CADM2: variants seen among roughly 807,000 people sequenced by gnomAD.
CADM2 encodes immunoglobulin superfamily member 4D.
In CADM2, 12 loss-of-function variants were observed where a neutral mutation model predicts 49.8. The ratio of observed to expected loss-of-function variants is 0.24; its 90% CI spans 0.15 to 0.39. CADM2 has a LOEUF of 0.39. Ranked by LOEUF, CADM2 falls within the 10% of genes least tolerant of loss-of-function variation. The probability of loss-of-function intolerance (pLI) is 1.00; values close to 1 mark genes in which losing one functional copy is unlikely to be tolerated. For missense variants in CADM2, 378 were observed against 492.3 expected (o/e 0.77, Z 2.20); for synonymous variants, 214 against 175.4 (o/e 1.22, Z -1.74).
intron 1 of CADM2, among the ~76,000 whole-genome samples, chr3:85,587,531 G>A (rs2062977999): frequency 6.6e-6 from 1 of 151,924 alleles, no homozygotes; most frequent in Non-Finnish European, 1.5e-5. Flanking sequence ...AGAATTCCTA[G>A]CGAGTCACAC....
chr3:85,722,945 C>T (rs2067561285), intron 1 of CADM2, among the ~76,000 whole-genome samples: 2 of 152,118 alleles, frequency 1.3e-5, no homozygotes, highest in South Asian at 4.1e-4. Flanking sequence ...AAATCAGTAA[C>T]CTAGTCAATT....
At chr3:85,351,318 A>G (rs2031319896) in intron 1 of CADM2, among the ~76,000 whole-genome samples, 2 of 152,336 alleles carry the variant, frequency 1.3e-5, no homozygotes, top group South Asian at 4.1e-4. Flanking sequence ...ATATTTTAGA[A>G]TTAAATTATA....
chr3:85,625,770 C>A (rs4481168), intron 1 of CADM2, among the ~76,000 whole-genome samples: 1 of 151,744 alleles, frequency 6.6e-6, no homozygotes, highest in South Asian at 2.1e-4. Flanking sequence ...AATGTAGTTT[C>A]GTACTGTGAT....
intron 1 of CADM2, among the ~76,000 whole-genome samples, chr3:85,388,631 C>T (rs955741614): frequency 6.6e-6 from 1 of 151,980 alleles, no homozygotes; most frequent in Non-Finnish European, 1.5e-5. Context: ...GTGTGGGATA[C>T]ACAAGCTCTG....
intron 2 of CADM2, among the ~76,000 whole-genome samples, chr3:85,751,979 C>G (rs1308264018): frequency 1.3e-5 from 2 of 151,828 alleles, no homozygotes; most frequent in Non-Finnish European, 2.9e-5. Context: ...TGAAATGAAT[C>G]AAAAAGGGCC....
intron 1 of CADM2, among the ~76,000 whole-genome samples, chr3:85,579,733 G>A (rs1259103065): frequency 6.6e-6 from 1 of 151,952 alleles, no homozygotes; most frequent in African/African-American, 2.4e-5. Context: ...GCCTTGTGTA[G>A]AAAAAATATG....
At chr3:85,370,989 A>C (rs2033185121) in intron 1 of CADM2, among the ~76,000 whole-genome samples, 1 of 140,286 alleles carries the variant, frequency 7.1e-6, no homozygotes, top group Admixed American at 7.3e-5. Context: ...CTTACAGAAT[A>C]AGAATTTTTT....
intron 1 of CADM2, among the ~76,000 whole-genome samples, chr3:85,673,420 A>G (rs545934117): frequency 6.6e-6 from 1 of 152,000 alleles, no homozygotes; most frequent in African/African-American, 2.4e-5. Flanking sequence ...GAGTGTTCTC[A>G]TAGATAAATT....
Position 85,886,437 on chromosome 3 carries a change from A to T in CADM2, c.529+110A>T, listed in dbSNP as rs1713666095. The T allele has an allele frequency of 5.3e-6, 4 of 755,836 alleles. No individual in the cohort carries two copies. The Admixed American group carries it at 7.5e-5, about 14-fold the overall frequency. 46.8% of individuals were successfully genotyped at this position (755,836 alleles called of 1,614,324 possible). A position where few individuals can be genotyped will look rare whatever the true frequency, so the allele number is the denominator to read the frequency against. On this transcript the variant is annotated intron_variant, in intron 5 of 9. Transcript: ENST00000383699. The stretch of plus-strand genomic sequence containing the variant: ...CAAAACATAGTGTCTCTTACAGATT[A>T]TGCATCATTTGAACCAGATTTACCC...
At chr3:85,530,739 G>C (rs1559890110) in intron 1 of CADM2, among the ~76,000 whole-genome samples, 1 of 152,064 alleles carries the variant, frequency 6.6e-6, no homozygotes, top group Non-Finnish European at 1.5e-5. Flanking sequence ...TTAGCATCTA[G>C]CCAAGTATGG....
At chr3:85,739,426 T>A (rs1045176735) in intron 2 of CADM2, among the ~76,000 whole-genome samples, 15 of 152,080 alleles carry the variant, frequency 9.9e-5, no homozygotes, top group Non-Finnish European at 1.6e-4. Context: ...TTAATCAGGA[T>A]CTGTTTTCTT....
intron 3 of CADM2, among the ~76,000 whole-genome samples, chr3:85,858,473 T>C (rs889187579): frequency 6.6e-6 from 1 of 152,160 alleles, no homozygotes; most frequent in Non-Finnish European, 1.5e-5. Context: ...TTTTGCAAAA[T>C]ATATAAAGCA....
At chr3:85,380,440 A>T (rs2033838041) in intron 1 of CADM2, among the ~76,000 whole-genome samples, 1 of 151,950 alleles carries the variant, frequency 6.6e-6, no homozygotes, top group Non-Finnish European at 1.5e-5. Context: ...TGTAGAAGTT[A>T]ATTTACATAC....
intron 1 of CADM2, among the ~76,000 whole-genome samples, chr3:85,048,545 GT>G (rs2035754927): frequency 6.6e-6 from 1 of 152,136 alleles, no homozygotes; most frequent in South Asian, 2.1e-4. Flanking sequence ...CAGTTTGATT[GT>G]TGCAATAATC....
At chr3:85,694,540 A>C (rs1240010491) in intron 1 of CADM2, among the ~76,000 whole-genome samples, 3 of 152,234 alleles carry the variant, frequency 2.0e-5, no homozygotes, top group Non-Finnish European at 4.4e-5. Flanking sequence ...TTGCTATGGC[A>C]GCCCCAGATG....
intron 1 of CADM2, among the ~76,000 whole-genome samples, chr3:85,110,603 G>A (rs1331791060): frequency 6.6e-6 from 1 of 151,860 alleles, no homozygotes; most frequent in African/African-American, 2.4e-5. Flanking sequence ...TACTAAAGTA[G>A]GTGGCACTGT....
At chr3:85,574,995 CACCTT>C (rs2062590548) in intron 1 of CADM2, among the ~76,000 whole-genome samples, 1 of 152,080 alleles carries the variant, frequency 6.6e-6, no homozygotes, top group South Asian at 2.1e-4. Flanking sequence ...GAGAGTGAGT[CACCTT>C]TTTCTTTTTA....
At chr3:85,689,480 T>C (rs894720756) in intron 1 of CADM2, among the ~76,000 whole-genome samples, 6 of 152,230 alleles carry the variant, frequency 3.9e-5, no homozygotes, top group South Asian at 4.1e-4. Flanking sequence ...TATGTTTGGG[T>C]ATGTATATGC....
intron 2 of CADM2, among the ~76,000 whole-genome samples, chr3:85,728,402 A>T (rs1219628100): frequency 6.6e-6 from 1 of 152,186 alleles, no homozygotes; most frequent in Non-Finnish European, 1.5e-5. Context: ...TCAAAAATTA[A>T]TTGTGCCTCA....
Sources: gnomAD v4.1 joint callset for allele counts (sites outside exome capture counted in the v4.1 genomes callset) on GRCh38, gnomAD v4.1.1 for gene constraint, MANE v1.5 for transcripts, NCBI Gene and HGNC (gene_info 2026-07-23, HGNC 2026-07-21) for gene names.